Variants in AKAP13 observed in about 807,000 individuals in gnomAD.
AKAP13 encodes the protein A-kinase anchor protein 13.
AKAP13 carries 80 observed loss-of-function variants against 264.5 expected under a neutral mutation model. The observed-to-expected ratio is 0.30, with a 90% CI of 0.25 to 0.36. AKAP13 has a LOEUF of 0.36. Among genes scored for constraint, AKAP13 ranks in the 10% least tolerant of loss-of-function variants. The pLI, the probability that AKAP13 is intolerant of heterozygous loss-of-function variation, is 1.00. For synonymous variants in AKAP13, 1,380 were observed against 1,250.2 expected (o/e 1.10, Z -2.19); for missense variants, 3,712 against 3,435.2 (o/e 1.08, Z -2.01).
At chr15:85,667,259 G>A (rs8036028) in intron 13 of AKAP13, among the ~76,000 whole-genome samples, 17,809 of 152,188 alleles carry the variant, frequency 0.12, 1,254 homozygotes, top group East Asian at 0.2. Context: ...TAACACTTAT[G>A]CTTGTGTGAG....
At position 85,727,089 on chromosome 15, in the gene AKAP13, T is replaced by C; in HGVS notation, c.6846T>C (p.Ser2282=). Residue 2282 remains serine, a synonymous_variant, in exon 28 of 37, where the codon TCT becomes TCC. Transcript: ENST00000394518. This position sits in a 1 kb window ranked among gnomAD's most constrained non-coding sequence, Gnocchi z 5.3. Reference sequence around the variant, plus strand: ...AGGACCAGAAGTCAACAGTGATCTCTTTAAAGAAGCTGATTGTGAGAGAAG... The same window carrying C: ...AGGACCAGAAGTCAACAGTGATCTCCTTAAAGAAGCTGATTGTGAGAGAAG... The part of the protein sequence containing the change: ...ASLDQKSTVI[S]LKKLIVREVA... The C allele has an allele frequency of 6.2e-7, 1 of 1,614,190 alleles. No individual in the cohort carries two copies. The highest frequency in any genetic ancestry group is 8.5e-7 in the Non-Finnish European group (1 of 1,180,022).
intron 8 of AKAP13, among the ~76,000 whole-genome samples, chr15:85,618,699 A>G (rs1299995435): frequency 6.6e-6 from 1 of 152,200 alleles, no homozygotes; most frequent in Non-Finnish European, 1.5e-5. Flanking sequence ...AGACCCAGTT[A>G]GTGTGCATAG....
chr15:85,598,326 T>G (rs1207730944), intron 8 of AKAP13, among the ~76,000 whole-genome samples: 1 of 152,090 alleles, frequency 6.6e-6, no homozygotes, highest in Non-Finnish European at 1.5e-5. Flanking sequence ...TAGTGTGCAG[T>G]CTCTACTTTG....
At chr15:85,577,847 T>G in intron 6 of AKAP13, 1 of 985,060 alleles carries the variant, frequency 1.0e-6, no homozygotes, top group Non-Finnish European at 1.2e-6. Context: ...GAACATATTT[T>G]GGGGATTAAA....
intron 3 of AKAP13, among the ~76,000 whole-genome samples, chr15:85,526,204 A>G (rs2077035065): frequency 6.6e-6 from 1 of 152,150 alleles, no homozygotes; most frequent in East Asian, 1.9e-4. Context: ...TGCAGCCCAG[A>G]TTGCAACAAA....
chr15:85,414,412 T>G (rs940329493), intron 1 of AKAP13, among the ~76,000 whole-genome samples: 7 of 152,350 alleles, frequency 4.6e-5, no homozygotes, highest in Admixed American at 3.3e-4. Flanking sequence ...CACCGTGCTT[T>G]CTTTTTTCAC....
At chr15:85,565,888 A>G (rs1309888875) in intron 5 of AKAP13, among the ~76,000 whole-genome samples, 1 of 152,182 alleles carries the variant, frequency 6.6e-6, no homozygotes, top group South Asian at 2.1e-4. Flanking sequence ...CTAGTGTCTT[A>G]GTTGTATTTG....
At position 85,740,224 on chromosome 15, in the gene AKAP13, G is replaced by A; in HGVS notation, c.7560G>A (p.Gln2520=). 6.2e-7 allele frequency: 1 copy of A among 1,614,164 alleles called. No homozygotes were observed. The highest frequency in any genetic ancestry group is 1.1e-5 in the South Asian group (1 of 91,074). ...TTTCCATTTTGTTCCTTTGGCAGCA[G>A]GTTGTCCAGAGCGTTGTTCATCTCT... ...LVFMLKRNSE[Q]VVQSVVHLYE... Residue 2520 remains glutamine, a splice_region_variant and synonymous_variant, in exon 34 of 37, where the codon CAG becomes CAA. Coordinates refer to ENST00000394518, the MANE Select transcript of AKAP13 (RefSeq NM_007200.5).
intron 17 of AKAP13, among the ~76,000 whole-genome samples, chr15:85,707,741 G>C (rs774517912): frequency 3.3e-5 from 5 of 151,614 alleles, no homozygotes; most frequent in Admixed American, 6.6e-5. Context: ...CACTTGAGTC[G>C]TTGTTCCTCT....
intron 35 of AKAP13, 127 bp from the exon 36 acceptor site, chr15:85,743,365 G>C: frequency 2.1e-6 from 2 of 954,382 alleles, no homozygotes; most frequent in Non-Finnish European, 3.1e-6. Flanking sequence ...CGTGAGCTCT[G>C]TAGAGTTCGC....
intron 1 of AKAP13, among the ~76,000 whole-genome samples, chr15:85,400,397 C>G (rs2071365423): frequency 6.6e-6 from 1 of 151,804 alleles, no homozygotes; most frequent in Non-Finnish European, 1.5e-5. Flanking sequence ...GGTGACAAAG[C>G]AAGATCCTGT....
chr15:85,669,913 T>G, intron 14 of AKAP13, 83 bp downstream of exon 14: 1 of 1,012,032 alleles, frequency 9.9e-7, no homozygotes, highest in Non-Finnish European at 1.4e-6. Flanking sequence ...TAAGGCCCCA[T>G]AACATTACCT....
chr15:85,628,802 TAA>T (rs202059281), intron 8 of AKAP13, among the ~76,000 whole-genome samples: 2 of 152,210 alleles, frequency 1.3e-5, no homozygotes, highest in East Asian at 3.8e-4. Flanking sequence ...TGTTTTCCAA[TAA>T]ATCTTTCTTG....
intron 2 of AKAP13, among the ~76,000 whole-genome samples, chr15:85,516,595 G>A (rs904806879): frequency 1.3e-5 from 2 of 152,154 alleles, no homozygotes; most frequent in Non-Finnish European, 2.9e-5. Context: ...AAGTGGTGAT[G>A]TCTCTTAAAT....
chr15:85,695,370 C>G (rs1394353443), intron 17 of AKAP13, among the ~76,000 whole-genome samples: 1 of 152,144 alleles, frequency 6.6e-6, no homozygotes, highest in Non-Finnish European at 1.5e-5. Flanking sequence ...TGCCATTGCA[C>G]TCCAGCCTGG....
In AKAP13 at chr15:85,669,816, A is replaced by C; in HGVS notation, c.5087A>C (p.His1696Pro). 6.2e-7 allele frequency: 1 copy of C among 1,607,886 alleles called. No homozygotes were observed. The highest frequency in any genetic ancestry group is 8.5e-7 in the Non-Finnish European group (1 of 1,174,506). ...TKSISLMTIS[H>P]PGLDNSRPFH... ...TCCATCTCATTAATGACAATCAGCC[A>C]TCCTGGATTGGACAGTGAGTATACT... The change falls in exon 14 of 37, where the codon CAT becomes CCT. Residue 1696 changes from histidine (H) to proline (P), a missense_variant. Physicochemically the swap from His to Pro is moderately conservative, Grantham distance 77. Around this residue, in one of 3 missense-constraint regions of AKAP13, gnomAD observed 2,759 missense variants for 2,411.7 expected, o/e 1.14. Transcript: ENST00000394518.
chr15:85,626,407 C>T (rs947445509), intron 8 of AKAP13, among the ~76,000 whole-genome samples: 2 of 152,188 alleles, frequency 1.3e-5, no homozygotes, highest in African/African-American at 2.4e-5. Flanking sequence ...ACTAACTTCC[C>T]ATTCTCTTTG....
At chr15:85,585,578 A>T in intron 7 of AKAP13, 124 bp from the exon 8 acceptor site, 1 of 1,352,058 alleles carries the variant, frequency 7.4e-7, no homozygotes, top group Non-Finnish European at 1.0e-6. Context: ...ACAACAAAAG[A>T]ATACTTTTCC....
At chr15:85,489,367 G>A (rs1008808952) in intron 2 of AKAP13, among the ~76,000 whole-genome samples, 2 of 152,186 alleles carry the variant, frequency 1.3e-5, no homozygotes, top group African/African-American at 4.8e-5. Flanking sequence ...ATTCAAGTAT[G>A]TCCATCAACA....
Sources: gnomAD v4.1 joint callset for allele counts (sites outside exome capture counted in the v4.1 genomes callset) on GRCh38, gnomAD v4.1.1 for gene constraint, gnomAD v4.1.1 regional missense constraint, Gnocchi (gnomAD v3.1) non-coding constraint, MANE v1.5 for transcripts, NCBI Gene and HGNC (gene_info 2026-07-23, HGNC 2026-07-21) for gene names.